BRAF: variants seen among roughly 807,000 people sequenced by gnomAD.
BRAF encodes B-Raf proto-oncogene, serine/threonine kinase.
A neutral mutation model predicts 104.6 loss-of-function variants in BRAF; 16 were observed. The observed-to-expected ratio is 0.15, with a 90% CI of 0.10 to 0.23. The LOEUF is 0.23. Ranked by LOEUF, BRAF falls within the 10% of genes least tolerant of loss-of-function variation. The pLI, the probability that BRAF is intolerant of heterozygous loss-of-function variation, is 1.00. For synonymous variants in BRAF, 310 were observed against 341.6 expected, an observed-to-expected ratio of 0.91 and a Z score of 1.02; for missense variants, 541 against 937.3, an observed-to-expected ratio of 0.58 and a Z score of 5.52.
chr7:140,756,246 A>G (rs2129001371), intron 14 of BRAF, among the ~76,000 whole-genome samples: 2 of 152,328 alleles, frequency 1.3e-5, no homozygotes, highest in South Asian at 4.1e-4. Flanking sequence ...AACACTTTAT[A>G]CCTGTGTAAT....
At chr7:140,865,102 C>CAA (rs1260240721) in intron 1 of BRAF, among the ~76,000 whole-genome samples, 1 of 147,420 alleles carries the variant, frequency 6.8e-6, no homozygotes, top group Non-Finnish European at 1.5e-5. Context: ...TTTTCTGAGA[C>CAA]AGAGTCTCAT....
intron 1 of BRAF, among the ~76,000 whole-genome samples, chr7:140,885,315 TAAA>T (rs201631392): frequency 6.6e-6 from 1 of 150,522 alleles, no homozygotes; most frequent in East Asian, 1.9e-4. Context: ...AAAGTGGCTT[TAAA>T]AAAAAAAATT....
chr7:140,804,959 T>A (rs1159245368), intron 5 of BRAF, among the ~76,000 whole-genome samples: 1 of 152,064 alleles, frequency 6.6e-6, no homozygotes, highest in African/African-American at 2.4e-5. Context: ...CACACCACCA[T>A]GCCCACCTAC....
intron 3 of BRAF, among the ~76,000 whole-genome samples, chr7:140,827,820 C>T (rs1045071584): frequency 2.6e-5 from 4 of 152,240 alleles, no homozygotes; most frequent in Admixed American, 2.0e-4. Context: ...AAGCATGAAA[C>T]CAGCCACAGA....
intron 3 of BRAF, among the ~76,000 whole-genome samples, chr7:140,825,423 C>G (rs1362885192): frequency 6.6e-6 from 1 of 152,080 alleles, no homozygotes; most frequent in African/African-American, 2.4e-5. Context: ...TTTGATTAAC[C>G]CAATAAACTA....
At chr7:140,749,145 T>C (rs909891420) in intron 17 of BRAF, 142 bp downstream of exon 16, 5 of 1,120,238 alleles carry the variant, frequency 4.5e-6, no homozygotes, top group Admixed American at 4.3e-5. Flanking sequence ...CTGCCAAAAG[T>C]ATACAAACGA....
intron 19 of BRAF, among the ~76,000 whole-genome samples, chr7:140,729,714 G>T (rs1423288446): frequency 1.3e-5 from 2 of 152,100 alleles, no homozygotes; most frequent in African/African-American, 4.8e-5. Context: ...GGAGGCAGAG[G>T]CTGCAGTTAG....
At chr7:140,816,237 A>G (rs747549021) in intron 3 of BRAF, among the ~76,000 whole-genome samples, 20 of 152,194 alleles carry the variant, frequency 1.3e-4, no homozygotes, top group Admixed American at 9.8e-4. Context: ...AACTGTACCA[A>G]TATGTAAAAG....
chr7:140,723,310 C>T lies in BRAF; in HGVS notation c.*3184G>A. ...AAATATTTACAAAGTTTCAGGTTGA[C>T]AGTGCTGCAGTCTTGAATTATTTCT... is the stretch of plus-strand genomic sequence containing the variant. On this transcript the variant is annotated 3_prime_UTR_variant, in exon 20 of 20. Transcript: ENST00000644969. The T allele has an allele frequency of 2.3e-5, 24 of 1,055,728 alleles. No individual in the cohort carries two copies. The highest frequency in any genetic ancestry group is 2.7e-5 in the Non-Finnish European group (24 of 873,316). 65.4% of individuals were successfully genotyped at this position (1,055,728 alleles called of 1,614,324 possible).
intron 18 of BRAF, among the ~76,000 whole-genome samples, chr7:140,737,505 C>A (rs190967367): frequency 1.4e-4 from 22 of 152,234 alleles, no homozygotes; most frequent in Admixed American, 2.6e-4. Context: ...TGCCCATTTT[C>A]TATTGTTTGT....
chr7:140,741,888 C>CAA (rs1474544813), intron 17 of BRAF, among the ~76,000 whole-genome samples: 1 of 151,604 alleles, frequency 6.6e-6, no homozygotes, highest in Non-Finnish European at 1.5e-5. Context: ...ACCCAGGAGG[C>CAA]AGAGGTTGCA....
chr7:140,777,554 C>T (rs1382159919), intron 13 of BRAF, among the ~76,000 whole-genome samples: 1 of 152,154 alleles, frequency 6.6e-6, no homozygotes, highest in Non-Finnish European at 1.5e-5. Context: ...TAAATATCCT[C>T]AGTTCTGTTG....
chr7:140,873,221 A>C (rs1162236613), intron 1 of BRAF, among the ~76,000 whole-genome samples: 1 of 131,470 alleles, frequency 7.6e-6, no homozygotes, highest in African/African-American at 3.0e-5. Context: ...CCCAGGCTGG[A>C]GTGCAATGGC....
intron 1 of BRAF, among the ~76,000 whole-genome samples, chr7:140,904,073 G>A (rs1426163223): frequency 6.6e-6 from 1 of 152,210 alleles, no homozygotes; most frequent in African/African-American, 2.4e-5. Context: ...ATTAGTTGAT[G>A]AAGCACTGGC....
At chr7:140,776,866 T>C (rs761334141) in intron 14 of BRAF, 46 bp downstream of exon 13, 5 of 1,566,432 alleles carry the variant, frequency 3.2e-6, no homozygotes, top group Admixed American at 3.3e-5. Flanking sequence ...ACATCCTCAA[T>C]GGTCTTCAAA....
At chr7:140,798,684 G>A (rs1193121123) in intron 7 of BRAF, among the ~76,000 whole-genome samples, 2 of 151,070 alleles carry the variant, frequency 1.3e-5, no homozygotes, top group South Asian at 2.1e-4. Context: ...ATTAGGTGCA[G>A]TGTCTCACGC....
Position 140,723,614 on chromosome 7 carries a change from T to C in BRAF, c.*2880A>G. ...AGTGGCAAAAGTCTAGGTCCTTGAC[T>C]CTAACGATGAAAAAAGTCCATCAGG... On this transcript the variant is annotated 3_prime_UTR_variant, in exon 20 of 20. Coordinates refer to ENST00000644969, the MANE Select transcript of BRAF (RefSeq NM_001374258.1). 9.5e-7 allele frequency: 1 copy of C among 1,049,764 alleles called. No homozygotes were observed. The highest frequency in any genetic ancestry group is 1.2e-6 in the Non-Finnish European group (1 of 869,530). The allele number at this position is 1,049,764 out of a possible 1,614,324, so 65.0% of individuals were successfully genotyped here.
At chr7:140,803,776 A>G (rs1586221984) in intron 5 of BRAF, among the ~76,000 whole-genome samples, 1 of 152,208 alleles carries the variant, frequency 6.6e-6, no homozygotes, top group Admixed American at 6.5e-5. Flanking sequence ...TGCTTAAAAT[A>G]TATTTATTTA....
At chr7:140,855,686 G>A (rs1364138837) in intron 1 of BRAF, among the ~76,000 whole-genome samples, 2 of 151,492 alleles carry the variant, frequency 1.3e-5, no homozygotes, top group African/African-American at 2.4e-5. Context: ...ACTTTAAGAA[G>A]CTAGCAAAAC....
Sources: allele counts gnomAD v4.1 joint callset (sites outside exome capture counted in the v4.1 genomes callset), GRCh38; gene constraint gnomAD v4.1.1; transcripts MANE v1.5; gene names NCBI Gene and HGNC (gene_info 2026-07-23, HGNC 2026-07-21).